Variants in ISM2 observed in about 807,000 individuals in gnomAD.
ISM2 encodes isthmin-2.
In ISM2, 50 loss-of-function variants were observed where a neutral mutation model predicts 58.0. That is an observed-to-expected ratio of 0.86 (90% CI 0.69 to 1.09). The LOEUF is 1.09. Among genes scored for constraint, ISM2 ranks in the 50% least tolerant of loss-of-function variants. The pLI, the probability that ISM2 is intolerant of heterozygous loss-of-function variation, is 0.00. For synonymous variants in ISM2, 303 were observed against 312.4 expected (o/e 0.97, Z 0.32); for missense variants, 723 against 745.0 (o/e 0.97, Z 0.34).
At chr14:77,485,824 T>C (rs1235054433) in intron 1 of ISM2, among the ~76,000 whole-genome samples, 1 of 152,166 alleles carries the variant, frequency 6.6e-6, no homozygotes, top group African/African-American at 2.4e-5. Flanking sequence ...GGCAGTATGG[T>C]ATGGCTGACA....
At chr14:77,495,939 G>A (rs954849819) in intron 1 of ISM2, among the ~76,000 whole-genome samples, 11 of 152,124 alleles carry the variant, frequency 7.2e-5, no homozygotes, top group African/African-American at 2.2e-4. Flanking sequence ...GAGGTCGGGC[G>A]TGGTGGCTGA....
At position 77,475,633 on chromosome 14, in the gene ISM2, C is replaced by T. The variant is rs1484746001; in HGVS notation, c.1678G>A (p.Glu560Lys). Reference protein sequence around the residue: ...RACTDNPLEEEYLAQLQEAKE... With the variant: ...RACTDNPLEEKYLAQLQEAKE... ...GCCTCCTGCAACTGTGCTAGGTACT[C>T]CTCCTCCAGGGGGTTGTCGGTGCAG... Residue 560 changes from glutamate to lysine, a missense_variant, in exon 7 of 7, where the codon GAG (glutamate) becomes AAG (lysine). By Grantham distance (56) the Glu-to-Lys change is moderately conservative (BLOSUM62 1). Coordinates refer to ENST00000342219, the MANE Select transcript of ISM2 (RefSeq NM_199296.3). The surrounding 1 kb of genome is among the most constrained non-coding windows in gnomAD (Gnocchi z 4.1). 6.2e-6 allele frequency: 10 copies of T among 1,607,906 alleles called. 1 individual carries two copies. The African/African-American group carries it at 8.0e-5, about 13-fold the overall frequency.
chr14:77,476,130 G>A lies in ISM2; in HGVS notation c.1199-18C>T, dbSNP rs779170868. ...GTCCACATCTGCAAAGGGCCACAAAGTGCAGGAGGGAAGCCAGTGACAGAG... is the reference window on the plus strand; with the variant it reads ...GTCCACATCTGCAAAGGGCCACAAAATGCAGGAGGGAAGCCAGTGACAGAG... On this transcript the variant is annotated intron_variant, in intron 6 of 6. Coordinates refer to ENST00000342219, the MANE Select transcript of ISM2 (RefSeq NM_199296.3). 2 of 1,505,386 alleles carry A rather than the reference G, an allele frequency of 1.3e-6. No individual in the cohort carries two copies. The highest frequency in any genetic ancestry group is 1.3e-5 in the South Asian group (1 of 76,264). The allele number at this position is 1,505,386 out of a possible 1,614,324, so 93.3% of individuals were successfully genotyped here. A position where few individuals can be genotyped will look rare whatever the true frequency, so the allele number is the denominator to read the frequency against.
chr14:77,479,345 T>C (rs1380682204), intron 4 of ISM2, among the ~76,000 whole-genome samples: 1 of 148,604 alleles, frequency 6.7e-6, no homozygotes, highest in Non-Finnish European at 1.5e-5. Context: ...CAGCCTCCCA[T>C]GCAGCTGGAA....
rs1391408881 is a variant in ISM2, at chr14:77,484,583, A to G, written c.385-18T>C. The G allele has an allele frequency of 1.3e-6, 2 of 1,599,682 alleles. No homozygotes were observed. Among genetic ancestry groups the G allele is most frequent in the Non-Finnish European group, 1.7e-6 (2 of 1,174,318 alleles). ...GCTGAAGCCTGAGGAAGAGAGAGGG[A>G]AGGTGAGGTGACAGGTTAGGGCTTA... is the stretch of plus-strand genomic sequence containing the variant. On this transcript the variant is annotated intron_variant, in intron 2 of 6. Coordinates refer to ENST00000342219, the MANE Select transcript of ISM2 (RefSeq NM_199296.3).
intron 1 of ISM2, among the ~76,000 whole-genome samples, chr14:77,493,761 C>T (rs1245933590): frequency 2.0e-5 from 3 of 151,614 alleles, no homozygotes; most frequent in East Asian, 2.0e-4. Flanking sequence ...TGCGGCCAGC[C>T]GAATGATTCT....
At chr14:77,489,948 AAG>A (rs1566757870) in intron 1 of ISM2, among the ~76,000 whole-genome samples, 10 of 152,060 alleles carry the variant, frequency 6.6e-5, no homozygotes, top group African/African-American at 2.2e-4. Flanking sequence ...ACTGCAAGCT[AAG>A]CCTCCCGGGT....
intron 1 of ISM2, among the ~76,000 whole-genome samples, chr14:77,491,798 C>A (rs545858075): frequency 1.4e-5 from 2 of 147,298 alleles, no homozygotes; most frequent in Non-Finnish European, 3.0e-5. Context: ...TGGGTTCAAG[C>A]GATTCTCATG....
Position 77,475,548 on chromosome 14 carries a change from GC to G in ISM2, c.*46del. The G allele has an allele frequency of 1.3e-6, 2 of 1,507,206 alleles. No individual in the cohort carries two copies. Among genetic ancestry groups the G allele is most frequent in the Non-Finnish European group, 1.8e-6 (2 of 1,126,728 alleles). The allele number at this position is 1,507,206 out of a possible 1,614,324, so 93.4% of individuals were successfully genotyped here. On this transcript the variant is annotated 3_prime_UTR_variant, in exon 7 of 7. Transcript: ENST00000342219. This position sits in a 1 kb window ranked among gnomAD's most constrained non-coding sequence, Gnocchi z 4.1. ...AGGAAAGTTCTCCCGTGCAACAGCA[GC>G]AGCCGCCTGCCCTCTCCCTGCAGTG...
intron 1 of ISM2, among the ~76,000 whole-genome samples, chr14:77,487,251 A>G (rs866772131): frequency 2.0e-4 from 25 of 124,402 alleles, no homozygotes; most frequent in Admixed American, 5.4e-4. Flanking sequence ...TCTTAAATAA[A>G]TAAATAAATA....
At chr14:77,489,279 T>C (rs1160601571) in intron 1 of ISM2, among the ~76,000 whole-genome samples, 7 of 152,206 alleles carry the variant, frequency 4.6e-5, no homozygotes, top group Non-Finnish European at 8.8e-5. Flanking sequence ...CCCGCAGCCC[T>C]AGCTCCTGAA....
Position 77,477,407 on chromosome 14 carries a change from T to C in ISM2, c.1198+835A>G, listed in dbSNP as rs545403002. 3.9e-5 allele frequency among the ~76,000 whole-genome samples: 6 copies of C among 152,270 alleles called. No homozygotes were observed. The South Asian group carries it at 1.2e-3, about 32-fold the overall frequency. ...CAAGGGACTGGAACCTTCCCCAGGA[T>C]CCAGATGCTGGGATTTGGGTTTTGA... On this transcript the variant is annotated intron_variant, in intron 6 of 6. Coordinates refer to ENST00000342219, the MANE Select transcript of ISM2 (RefSeq NM_199296.3).
chr14:77,498,408 C>T (rs1284983482), intron 1 of ISM2: 1 of 1,271,484 alleles, frequency 7.9e-7, no homozygotes, highest in Admixed American at 2.4e-5. Flanking sequence ...AGAAGTCAAA[C>T]TTGTCACCCG....
Position 77,482,161 on chromosome 14 carries a change from G to A in ISM2, c.973+161C>T, listed in dbSNP as rs370384762. On this transcript the variant is annotated intron_variant, in intron 4 of 6. Transcript: ENST00000342219. ...AAAAGGAAAAACTCTGCAAGCTATT[G>A]TCAATGTTACTTTTGAGTTGATGAT... 4.0e-5 allele frequency among the ~76,000 whole-genome samples: 6 copies of A among 151,346 alleles called. No individual in the cohort carries two copies. The East Asian group carries it at 1.2e-3, about 29-fold the overall frequency.
In ISM2 at chr14:77,482,517, T is replaced by C; in HGVS notation, c.778A>G (p.Arg260Gly). ...WGDYKGEEKD[R>G]APGEKGEEKE... ...TCCTCCCCCTTCTCCCCTGGGGCCC[T>C]GTCTTTTTCCTCTCCTTTGTAGTCT... Residue 260 changes from arginine (R) to glycine (G), a missense_variant, in exon 4 of 7, where the codon AGG becomes GGG. Coordinates refer to ENST00000342219, the MANE Select transcript of ISM2 (RefSeq NM_199296.3). 6.2e-7 allele frequency: 1 copy of C among 1,614,132 alleles called. No homozygotes were observed. Among genetic ancestry groups the C allele is most frequent in the Non-Finnish European group, 8.5e-7 (1 of 1,179,986 alleles).
intron 1 of ISM2, among the ~76,000 whole-genome samples, chr14:77,485,412 G>A (rs1295085159): frequency 6.6e-6 from 1 of 152,260 alleles, no homozygotes; most frequent in African/African-American, 2.4e-5. Flanking sequence ...GCCCCACCCA[G>A]GCCATCCACA....
At position 77,484,757 on chromosome 14, in the gene ISM2, C is replaced by A. The variant is rs1263365228; in HGVS notation, c.304G>T (p.Val102Phe). The A allele has an allele frequency of 1.3e-5, 21 of 1,612,674 alleles. No individual in the cohort carries two copies. Among genetic ancestry groups the A allele is most frequent in the Non-Finnish European group, 1.8e-5 (21 of 1,179,748 alleles). ...GNATPPRTPE[V>F]TPLRLELQKL... ...TGCAGCTCCAGCCGCAACGGAGTAACCTCTGGGGTCCTGGGAGGGGTGGCG... is the reference window on the plus strand; with the variant it reads ...TGCAGCTCCAGCCGCAACGGAGTAAACTCTGGGGTCCTGGGAGGGGTGGCG... The change falls in exon 2 of 7, where the codon GTT becomes TTT. Residue 102 changes from valine to phenylalanine, a missense_variant. Val to Phe is a conservative substitution (Grantham distance 50). Transcript: ENST00000342219.
chr14:77,476,235 G>A (rs3742729), intron 6 of ISM2, 123 bp from the exon 7 acceptor site: 97,334 of 1,117,490 alleles, frequency 0.087, 4,848 homozygotes, highest in Admixed American at 0.18. Context: ...GTGCAAAGGC[G>A]TGGCTTGGTA....
chr14:77,490,203 TAGCC>T (rs1291427751), intron 1 of ISM2, among the ~76,000 whole-genome samples: 1 of 151,830 alleles, frequency 6.6e-6, no homozygotes, highest in Non-Finnish European at 1.5e-5. Context: ...TTCACCATGT[TAGCC>T]AGGATGGTCT....
Sources: gnomAD v4.1 joint callset for allele counts (sites outside exome capture counted in the v4.1 genomes callset) on GRCh38, gnomAD v4.1.1 for gene constraint, Gnocchi (gnomAD v3.1) non-coding constraint, MANE v1.5 for transcripts, NCBI Gene and HGNC (gene_info 2026-07-23, HGNC 2026-07-21) for gene names.